The following ANKIB1 variants were observed in gnomAD, a reference collection of about 807,000 sequenced individuals.
ANKIB1 encodes the protein ankyrin repeat and IBR domain-containing protein 1.
Under a neutral mutation model 122.1 loss-of-function variants are expected in ANKIB1, and 43 were observed. The observed-to-expected ratio is 0.35, with a 90% CI of 0.28 to 0.45. ANKIB1 has a LOEUF of 0.45. ANKIB1 is among the 20% of genes least tolerant of loss of function. The pLI, the probability that ANKIB1 is intolerant of heterozygous loss-of-function variation, is 1.00. For missense variants in ANKIB1, 992 were observed against 1,329.5 expected (o/e 0.75, Z 3.95); for synonymous variants, 390 against 442.0 (o/e 0.88, Z 1.48).
At chr7:92,309,938 A>ATATATAT (rs961914373) in intron 3 of ANKIB1, among the ~76,000 whole-genome samples, 1 of 112,608 alleles carries the variant, frequency 8.9e-6, no homozygotes, top group African/African-American at 3.7e-5. Flanking sequence ...AAAAAAAAAA[A>ATATATAT]AAAAATATAT....
Position 92,343,083 on chromosome 7 carries a change from C to T in ANKIB1, c.847C>T (p.Arg283Ter). 1 of 1,613,928 alleles carries T rather than the reference C, an allele frequency of 6.2e-7. No individual in the cohort carries two copies. Among genetic ancestry groups the T allele is most frequent in the Non-Finnish European group, 8.5e-7 (1 of 1,179,874 alleles). Residue 283 changes from arginine to a stop codon, truncating the protein, a stop_gained, in exon 6 of 20, where the codon CGA becomes TGA. Coordinates refer to ENST00000265742, the MANE Select transcript of ANKIB1 (RefSeq NM_019004.2). LOFTEE classifies it high-confidence loss of function. ...GTCCAACCCGGAGAACTGCTGCCAA[C>T]GATCAGGTGTTCAAATGCCAACTCC... ...WMSNPENCCQ[R>*]SGVQMPTPPP... is the part of the protein sequence containing the mutation.
At chr7:92,355,421 C>G (rs890413716) in intron 9 of ANKIB1, among the ~76,000 whole-genome samples, 5 of 152,190 alleles carry the variant, frequency 3.3e-5, no homozygotes, top group Admixed American at 6.5e-5. Context: ...TTTCTTTCCT[C>G]TCTTTTTACT....
At chr7:92,268,374 G>T (rs1801716695) in intron 1 of ANKIB1, among the ~76,000 whole-genome samples, 1 of 152,126 alleles carries the variant, frequency 6.6e-6, no homozygotes, top group Non-Finnish European at 1.5e-5. Context: ...CTAGCCCCTT[G>T]ATCTTTAAAG....
At position 92,401,233 on chromosome 7, in the gene ANKIB1, CCTTGA is replaced by C. The variant is rs1478868937; in HGVS notation, c.*2289_*2293del. 6.6e-6 allele frequency: 1 copy of C among 152,094 alleles called. No homozygotes were observed. Among genetic ancestry groups the C allele is most frequent in the African/African-American group, 2.4e-5 (1 of 41,404 alleles). The allele number at this position is 152,094 out of a possible 1,614,324, so 9.4% of individuals were successfully genotyped here. ...ATGTAAAAAAAAAAAGTTAATCTAA[CCTTGA>C]CTTGTTATTTGCACTTTCATAGTCT... On this transcript the variant is annotated 3_prime_UTR_variant, in exon 20 of 20. Coordinates refer to ENST00000265742, the MANE Select transcript of ANKIB1 (RefSeq NM_019004.2).
chr7:92,259,884 T>G (rs1801524562), intron 1 of ANKIB1, among the ~76,000 whole-genome samples: 1 of 152,198 alleles, frequency 6.6e-6, no homozygotes, highest in Non-Finnish European at 1.5e-5. Context: ...AGCAATTTTT[T>G]TGGTTCTTAC....
chr7:92,343,329 T>G, intron 6 of ANKIB1, 97 bp downstream of exon 6: 1 of 1,106,920 alleles, frequency 9.0e-7, no homozygotes, highest in South Asian at 1.4e-5. Flanking sequence ...CTGGTTGTGT[T>G]CTTGTAATTG....
intron 2 of ANKIB1, among the ~76,000 whole-genome samples, chr7:92,304,714 G>A (rs942464506): frequency 6.6e-6 from 1 of 152,020 alleles, no homozygotes; most frequent in Non-Finnish European, 1.5e-5. Context: ...TAATAATCTT[G>A]AATACATTTT....
intron 3 of ANKIB1, among the ~76,000 whole-genome samples, chr7:92,314,737 C>CAGT (rs1400393543): frequency 6.6e-6 from 1 of 152,182 alleles, no homozygotes; most frequent in Non-Finnish European, 1.5e-5. Flanking sequence ...TGTGCTAGAA[C>CAGT]AGTAGTTCTA....
rs139253127 is a variant in ANKIB1, at chr7:92,276,192, G to T, written c.-90-18697G>T. Among the ~76,000 whole-genome samples, 13 of 152,148 alleles carry T rather than the reference G, an allele frequency of 8.5e-5. No homozygotes were observed. In the East Asian group the frequency reaches 2.5e-3, roughly 29 times the overall value. On this transcript the variant is annotated intron_variant, in intron 1 of 19. Transcript: ENST00000265742. ...GTAAAATCAGGATTCTAGGCCCAAG[G>T]CATATTTATTTTCAACATGAACAAA...
intron 19 of ANKIB1, 80 bp downstream of exon 19, chr7:92,397,939 G>A (rs997741097): frequency 5.3e-6 from 8 of 1,498,372 alleles, no homozygotes; most frequent in Admixed American, 4.9e-5. Context: ...TACTTTCATC[G>A]CTTTCCTATT....
intron 3 of ANKIB1, among the ~76,000 whole-genome samples, chr7:92,309,274 A>T (rs1802635663): frequency 6.6e-6 from 1 of 152,166 alleles, no homozygotes; most frequent in Admixed American, 6.6e-5. Flanking sequence ...TTTAAGAGAC[A>T]AGATCTCTCT....
intron 17 of ANKIB1, 56 bp downstream of exon 17, chr7:92,392,348 G>T (rs1804803765): frequency 1.4e-6 from 2 of 1,441,596 alleles, no homozygotes; most frequent in African/African-American, 1.4e-5. Flanking sequence ...AGTCGTGCTT[G>T]CATTTGCATC....
intron 11 of ANKIB1, among the ~76,000 whole-genome samples, chr7:92,380,015 A>G (rs1439502238): frequency 6.6e-6 from 1 of 152,198 alleles, no homozygotes; most frequent in Non-Finnish European, 1.5e-5. Flanking sequence ...GACAGGCTGT[A>G]CCGGGAAAAT....
At chr7:92,364,610 T>C (rs1804030352) in intron 10 of ANKIB1, among the ~76,000 whole-genome samples, 1 of 152,208 alleles carries the variant, frequency 6.6e-6, no homozygotes. Flanking sequence ...TATATTTCTT[T>C]AGAACTTAAG....
intron 6 of ANKIB1, among the ~76,000 whole-genome samples, chr7:92,344,193 G>GT (rs67933063): frequency 0.068 from 6,638 of 97,186 alleles, 899 homozygotes; most frequent in East Asian, 0.18. Context: ...TGTGTTTTTG[G>GT]TTTTTTTTTT....
At chr7:92,326,667 CAT>C (rs1803033624) in intron 4 of ANKIB1, among the ~76,000 whole-genome samples, 1 of 152,126 alleles carries the variant, frequency 6.6e-6, no homozygotes, top group Non-Finnish European at 1.5e-5. Flanking sequence ...TAGGAGAACT[CAT>C]GTTTCATAAA....
At chr7:92,277,225 G>T (rs749917035) in intron 1 of ANKIB1, among the ~76,000 whole-genome samples, 7 of 152,118 alleles carry the variant, frequency 4.6e-5, no homozygotes, top group Non-Finnish European at 8.8e-5. Flanking sequence ...CTCAGTCTCA[G>T]GTATTTATAG....
At chr7:92,321,853 C>G (rs1230097884) in intron 4 of ANKIB1, among the ~76,000 whole-genome samples, 1 of 152,142 alleles carries the variant, frequency 6.6e-6, no homozygotes, top group Non-Finnish European at 1.5e-5. Flanking sequence ...CAAGCTTATT[C>G]AGATTAAGTA....
chr7:92,365,665 A>G (rs547819001), intron 10 of ANKIB1, among the ~76,000 whole-genome samples: 2 of 152,124 alleles, frequency 1.3e-5, no homozygotes, highest in South Asian at 2.1e-4. Context: ...TTGAGAAACT[A>G]GGTAAGAATG....
Sources: gnomAD v4.1 joint callset for allele counts (sites outside exome capture counted in the v4.1 genomes callset) on GRCh38, gnomAD v4.1.1 for gene constraint, MANE v1.5 for transcripts, NCBI Gene and HGNC (gene_info 2026-07-23, HGNC 2026-07-21) for gene names.